OSBPL9: variants seen among roughly 807,000 people sequenced by gnomAD.
OSBPL9 encodes the protein oxysterol binding protein like 9, also known as oxysterol-binding protein-related protein 9.
In OSBPL9, 40 loss-of-function variants were observed where a neutral mutation model predicts 106.6. The ratio of observed to expected loss-of-function variants is 0.38; its 90% CI spans 0.29 to 0.49. The LOEUF is 0.49. Among genes scored for constraint, OSBPL9 ranks in the 20% least tolerant of loss-of-function variants. The pLI is 0.97. For missense variants in OSBPL9, 609 were observed against 887.2 expected, an observed-to-expected ratio of 0.69 and a Z score of 3.98; for synonymous variants, 269 against 295.4, an observed-to-expected ratio of 0.91 and a Z score of 0.92.
the OSBPL9 span, among the ~76,000 whole-genome samples, chr1:51,556,680 G>C: frequency 3.3e-5 from 5 of 152,008 alleles, no homozygotes; most frequent in African/African-American, 1.2e-4. Context: ...CAGCTACTTG[G>C]GAGGCTGAGG....
At chr1:51,750,015 A>G in intron 7 of OSBPL9, 130 bp from the exon 8 acceptor site, 1 of 495,968 alleles carries the variant, frequency 2.0e-6, no homozygotes, top group Non-Finnish European at 3.4e-6. Context: ...ACTAGATCCA[A>G]AGAGGATATT....
chr1:51,565,735 G>C, the OSBPL9 span: 1 of 152,126 alleles, frequency 6.6e-6, no homozygotes, highest in Admixed American at 6.6e-5. Flanking sequence ...CCAACTCCTA[G>C]GTTAACTCAC....
intron 1 of OSBPL9, among the ~76,000 whole-genome samples, chr1:51,634,691 A>G (rs1645311422): frequency 6.6e-6 from 1 of 152,136 alleles, no homozygotes; most frequent in Non-Finnish European, 1.5e-5. Context: ...TATGAGAGTG[A>G]GAGGAGGAAA....
chr1:51,663,530 T>C (rs760540278), intron 2 of OSBPL9, among the ~76,000 whole-genome samples: 272 of 152,342 alleles, frequency 1.8e-3, no homozygotes, highest in Non-Finnish European at 3.0e-3. Context: ...CCACCTGATA[T>C]CCAAATGTAA....
At chr1:51,760,516 A>T in intron 9 of OSBPL9, 174 bp from the exon 10 acceptor site, 1 of 835,034 alleles carries the variant, frequency 1.2e-6, no homozygotes, top group Non-Finnish European at 1.7e-6. Context: ...ACTATGCTTT[A>T]AGCAACTCTT....
At chr1:51,528,580 A>G in the OSBPL9 span, among the ~76,000 whole-genome samples, 2 of 151,882 alleles carry the variant, frequency 1.3e-5, no homozygotes, top group Admixed American at 6.6e-5. Context: ...GAAATTAAAA[A>G]ATCAATTCCA....
intron 4 of OSBPL9, among the ~76,000 whole-genome samples, chr1:51,719,152 C>CT (rs1369057454): frequency 6.6e-6 from 1 of 152,174 alleles, no homozygotes; most frequent in Non-Finnish European, 1.5e-5. Flanking sequence ...CTTGTCTTCT[C>CT]TTTCCTCCCC....
At chr1:51,642,418 A>G (rs1645859878) in intron 1 of OSBPL9, among the ~76,000 whole-genome samples, 6 of 152,230 alleles carry the variant, frequency 3.9e-5, no homozygotes, top group Admixed American at 3.9e-4. Context: ...TCATGAATGC[A>G]CACAAGGTAT....
chr1:51,617,324 G>C (rs1409477128), intron 1 of OSBPL9, 103 bp downstream of exon 1: 42 of 1,189,834 alleles, frequency 3.5e-5, no homozygotes, highest in African/African-American at 1.5e-5. Context: ...TTGCTAGTCT[G>C]GGGGTGCCGC....
Position 51,631,602 on chromosome 1 carries a change from T to G in OSBPL9, c.111+14381T>G, listed in dbSNP as rs532632022. ...ATAGTGATGTTATCTGCAGAAGTAA[T>G]TGTGACGTCCAGAATAATGGCTGAC... On this transcript the variant is annotated intron_variant, in intron 1 of 23. Coordinates refer to ENST00000428468, the MANE Select transcript of OSBPL9 (RefSeq NM_024586.6). Among the ~76,000 whole-genome samples, 109 of 152,222 alleles carry G rather than the reference T, an allele frequency of 7.2e-4. 1 individual carries two copies. The highest frequency in any genetic ancestry group is 2.6e-3 in the African/African-American group (106 of 41,548).
At chr1:51,730,067 C>T (rs1664021251) in intron 4 of OSBPL9, 1 of 1,276,092 alleles carries the variant, frequency 7.8e-7, no homozygotes, top group Non-Finnish European at 1.0e-6. Flanking sequence ...GGGTCCCGGC[C>T]GCCAGGCCGG....
intron 1 of OSBPL9, among the ~76,000 whole-genome samples, chr1:51,642,883 C>T (rs1232799788): frequency 6.6e-6 from 1 of 152,118 alleles, no homozygotes; most frequent in East Asian, 1.9e-4. Context: ...GAAATGTTGC[C>T]AGGACCCTAG....
intron 2 of OSBPL9, among the ~76,000 whole-genome samples, chr1:51,664,302 G>T (rs1442530520): frequency 1.3e-5 from 2 of 152,130 alleles, no homozygotes; most frequent in African/African-American, 4.8e-5. Flanking sequence ...ACAAACTACT[G>T]CTTCATGCAA....
chr1:51,780,706 A>G (rs1214275346), intron 15 of OSBPL9, among the ~76,000 whole-genome samples: 1 of 151,426 alleles, frequency 6.6e-6, no homozygotes, highest in Non-Finnish European at 1.5e-5. Context: ...GTGAGGTTAC[A>G]GTGAGCCGAG....
intron 2 of OSBPL9, among the ~76,000 whole-genome samples, chr1:51,660,086 A>G (rs1350509791): frequency 6.6e-6 from 1 of 152,204 alleles, no homozygotes; most frequent in Non-Finnish European, 1.5e-5. Flanking sequence ...TACAAATCAG[A>G]CATTATCACT....
At chr1:51,654,708 C>CTATTAT (rs144832297) in intron 2 of OSBPL9, among the ~76,000 whole-genome samples, 188 of 151,518 alleles carry the variant, frequency 1.2e-3, no homozygotes, top group African/African-American at 4.0e-3. Flanking sequence ...TAAATACAGT[C>CTATTAT]TATTATTATT....
At chr1:51,581,571 A>G (rs536714624) in intron 1 of OSBPL9, among the ~76,000 whole-genome samples, 5 of 152,326 alleles carry the variant, frequency 3.3e-5, no homozygotes, top group African/African-American at 1.2e-4. Flanking sequence ...ATTCTTCTGT[A>G]CAGGAGATTT....
chr1:51,650,817 A>T (rs1407468286), intron 1 of OSBPL9, among the ~76,000 whole-genome samples: 1 of 152,238 alleles, frequency 6.6e-6, no homozygotes, highest in Non-Finnish European at 1.5e-5. Context: ...GTTGTATTGC[A>T]CATGACTAAT....
intron 3 of OSBPL9, among the ~76,000 whole-genome samples, chr1:51,712,272 C>G (rs1469531652): frequency 6.6e-6 from 1 of 152,340 alleles, no homozygotes; most frequent in African/African-American, 2.4e-5. Flanking sequence ...CGTGGCGGCG[C>G]GCGCCTGCAA....
Sources: gnomAD v4.1 joint callset for allele counts (sites outside exome capture counted in the v4.1 genomes callset) on GRCh38, gnomAD v4.1.1 for gene constraint, MANE v1.5 for transcripts, NCBI Gene and HGNC (gene_info 2026-07-23, HGNC 2026-07-21) for gene names.